The following BBS9 variants were observed in gnomAD, a reference collection of about 807,000 sequenced individuals.
BBS9 encodes the protein protein PTHB1.
In BBS9, 89 loss-of-function variants were observed where a neutral mutation model predicts 117.7. The ratio of observed to expected loss-of-function variants is 0.76; its 90% CI spans 0.64 to 0.90. The LOEUF is 0.90. Ranked by LOEUF, BBS9 falls within the 40% of genes least tolerant of loss-of-function variation. BBS9 has a pLI of 0.00. For synonymous variants in BBS9, 379 were observed against 370.9 expected, an observed-to-expected ratio of 1.02 and a Z score of -0.25; for missense variants, 982 against 1,042.2, an observed-to-expected ratio of 0.94 and a Z score of 0.80.
intron 19 of BBS9, among the ~76,000 whole-genome samples, chr7:33,441,139 A>G (rs1231972399): frequency 1.3e-5 from 2 of 152,200 alleles, no homozygotes; most frequent in African/African-American, 2.4e-5. Context: ...ATAGATTGTT[A>G]TATAACAAGT....
intron 2 of BBS9, among the ~76,000 whole-genome samples, chr7:33,146,698 C>CAAAAAA: frequency 1.2e-5 from 1 of 81,304 alleles, no homozygotes; most frequent in Non-Finnish European, 2.3e-5. Flanking sequence ...GGCTCCATCT[C>CAAAAAA]AAAAAAAAAA....
intron 5 of BBS9, among the ~76,000 whole-genome samples, chr7:33,234,695 CT>C (rs1793143344): frequency 6.8e-6 from 1 of 146,422 alleles, no homozygotes; most frequent in Admixed American, 6.8e-5. Flanking sequence ...ATCCCTCCAT[CT>C]ATCCACACAC....
chr7:33,611,600 AT>A (rs1179967614), intron 21 of BBS9, among the ~76,000 whole-genome samples: 9 of 138,570 alleles, frequency 6.5e-5, no homozygotes, highest in Admixed American at 3.0e-4. Flanking sequence ...TAATAATATT[AT>A]TTAATTAATT....
At chr7:33,608,966 T>C (rs578160283), downstream of BBS9, among the ~76,000 whole-genome samples, 1 of 152,316 alleles carries the variant, frequency 6.6e-6, no homozygotes, top group East Asian at 1.9e-4. Flanking sequence ...TCCTAGGTTT[T>C]CTTCCAGTAT....
Position 33,492,204 on chromosome 7 carries a change from A to AG in BBS9, c.2116-13259_2116-13258insG, listed in dbSNP as rs1844032794. Among the ~76,000 whole-genome samples, 3 of 51,812 alleles carry AG rather than the reference A, an allele frequency of 5.8e-5. 1 individual carries two copies. The highest frequency in any genetic ancestry group is 2.7e-4 in the African/African-American group (2 of 7,280). The allele number at this position is 51,812 out of a possible 152,430, so 34.0% of individuals were successfully genotyped here. On this transcript the variant is annotated intron_variant, in intron 19 of 22. Coordinates refer to ENST00000242067, the MANE Select transcript of BBS9 (RefSeq NM_198428.3). ...GGTGACAAAGCAAGATTCCACCTCG[A>AG]AAAAAAAAACAAAAAAAAAACAAAA... is the stretch of plus-strand genomic sequence containing the variant.
chr7:33,563,229 T>G (rs1007331955), intron 21 of BBS9, among the ~76,000 whole-genome samples: 2 of 152,176 alleles, frequency 1.3e-5, no homozygotes, highest in Non-Finnish European at 2.9e-5. Context: ...GTGTAGGCAC[T>G]CAGTCTGATT....
At chr7:33,494,844 A>G (rs964158062) in intron 19 of BBS9, among the ~76,000 whole-genome samples, 1 of 152,178 alleles carries the variant, frequency 6.6e-6, no homozygotes, top group Non-Finnish European at 1.5e-5. Flanking sequence ...GCAACTTCCA[A>G]TTACAATGTT....
intron 4 of BBS9, among the ~76,000 whole-genome samples, chr7:33,173,390 C>G (rs1796887438): frequency 6.6e-6 from 1 of 151,846 alleles, no homozygotes; most frequent in Non-Finnish European, 1.5e-5. Flanking sequence ...ACCATCCTGG[C>G]TAACACCGTG....
chr7:33,260,819 C>T lies in BBS9; in HGVS notation c.617+3409C>T, dbSNP rs569246529. Among the ~76,000 whole-genome samples the T allele has an allele frequency of 3.3e-5, 5 of 152,286 alleles. No homozygotes were observed. In the East Asian group the frequency reaches 9.6e-4, roughly 29 times the overall value. ...CTAAGAGTTGAATGTAGGGAGGCTC[C>T]CTAAAAGAGTATACCTGCCATGGGT... On this transcript the variant is annotated intron_variant, in intron 6 of 22. Coordinates refer to ENST00000242067, the MANE Select transcript of BBS9 (RefSeq NM_198428.3).
chr7:33,600,186 C>T (rs1285911791), intron 21 of BBS9, among the ~76,000 whole-genome samples: 1 of 152,170 alleles, frequency 6.6e-6, no homozygotes, highest in African/African-American at 2.4e-5. Context: ...GGAAGACTGG[C>T]ATCTGTCTGC....
In BBS9 at chr7:33,192,490, T is replaced by G. The variant is rs559768978; in HGVS notation, c.442+14899T>G. Among the ~76,000 whole-genome samples, 38 of 152,320 alleles carry G rather than the reference T, an allele frequency of 2.5e-4. 1 individual carries two copies. The highest frequency in any genetic ancestry group is 8.7e-4 in the African/African-American group (36 of 41,572). The stretch of plus-strand genomic sequence containing the variant: ...ATAAAAACTGTGCACATTTTATATT[T>G]GGGGAAAGACCTCTTGAACTGCACA... On this transcript the variant is annotated intron_variant, in intron 5 of 22. Coordinates refer to ENST00000242067, the MANE Select transcript of BBS9 (RefSeq NM_198428.3).
intron 9 of BBS9, among the ~76,000 whole-genome samples, chr7:33,277,356 A>G (rs148086912): frequency 2.1e-4 from 32 of 152,308 alleles, no homozygotes; most frequent in Admixed American, 4.6e-4. Context: ...AACAAAGCAC[A>G]TCTAATGCCC....
intron 19 of BBS9, among the ~76,000 whole-genome samples, chr7:33,440,285 T>C (rs2128895111): frequency 6.6e-6 from 1 of 152,342 alleles, no homozygotes; most frequent in Admixed American, 6.5e-5. Flanking sequence ...GTGTTATCAA[T>C]ATTTTTCTAA....
intron 21 of BBS9, among the ~76,000 whole-genome samples, chr7:33,555,787 G>A (rs961285789): frequency 6.6e-6 from 1 of 151,634 alleles, no homozygotes; most frequent in Non-Finnish European, 1.5e-5. Flanking sequence ...GAATTTGAGA[G>A]CTTTCTCATG....
At chr7:33,584,659 TTTAA>T (rs1461314489) in intron 21 of BBS9, among the ~76,000 whole-genome samples, 4 of 152,152 alleles carry the variant, frequency 2.6e-5, no homozygotes, top group Non-Finnish European at 5.9e-5. Context: ...TCAAGTTATC[TTTAA>T]TTATACTTTT....
intron 9 of BBS9, among the ~76,000 whole-genome samples, chr7:33,301,869 G>A (rs1376365067): frequency 6.6e-6 from 1 of 152,054 alleles, no homozygotes; most frequent in Non-Finnish European, 1.5e-5. Context: ...CTCCATAGTG[G>A]TTGTACTAAT....
chr7:33,245,070 G>T (rs550679981), intron 5 of BBS9, among the ~76,000 whole-genome samples: 36 of 152,218 alleles, frequency 2.4e-4, no homozygotes, highest in African/African-American at 7.2e-4. Context: ...AGTTTAATCT[G>T]AGTATGCTTT....
chr7:33,520,662 C>T lies in BBS9; in HGVS notation c.2299-13292C>T, dbSNP rs1212017826. On this transcript the variant is annotated intron_variant, in intron 20 of 22. Transcript: ENST00000242067. Reference sequence around the variant, plus strand: ...ATGTACTTTCATGGCCCATACTTCCCCTTATGTGGAAATATATAAATAAGT... The same window carrying T: ...ATGTACTTTCATGGCCCATACTTCCTCTTATGTGGAAATATATAAATAAGT... Among the ~76,000 whole-genome samples the T allele has an allele frequency of 5.3e-5, 8 of 152,060 alleles. No homozygotes were observed. The East Asian group carries it at 1.5e-3, about 29-fold the overall frequency.
intron 9 of BBS9, among the ~76,000 whole-genome samples, chr7:33,307,083 T>G (rs1485314886): frequency 6.6e-6 from 1 of 152,206 alleles, no homozygotes; most frequent in Non-Finnish European, 1.5e-5. Flanking sequence ...TGAATCACAA[T>G]TCACTGGTAA....
Sources: gnomAD v4.1 joint callset for allele counts (sites outside exome capture counted in the v4.1 genomes callset) on GRCh38, gnomAD v4.1.1 for gene constraint, MANE v1.5 for transcripts, NCBI Gene and HGNC (gene_info 2026-07-23, HGNC 2026-07-21) for gene names.